The following CIT variants were observed in gnomAD, a reference collection of about 807,000 sequenced individuals.
The protein encoded by CIT is citron Rho-interacting kinase.
Under a neutral mutation model 272.7 loss-of-function variants are expected in CIT, and 79 were observed. The observed-to-expected ratio is 0.29, with a 90% CI of 0.24 to 0.35. The LOEUF (loss-of-function observed/expected upper bound fraction) is 0.35, where lower values mean the gene tolerates loss of function less well. Ranked by LOEUF, CIT falls within the 10% of genes least tolerant of loss-of-function variation. CIT has a pLI of 1.00. For synonymous variants in CIT, 948 were observed against 995.6 expected (o/e 0.95, Z 0.90); for missense variants, 1,909 against 2,618.3 (o/e 0.73, Z 5.91).
chr12:119,796,608 G>A (rs1383006068), intron 10 of CIT, among the ~76,000 whole-genome samples: 1 of 152,194 alleles, frequency 6.6e-6, no homozygotes, highest in African/African-American at 2.4e-5. Context: ...GGATGGGATG[G>A]TGAGAAACTG....
At chr12:119,755,183 A>AAAATAAAT (rs1368894840) in intron 22 of CIT, among the ~76,000 whole-genome samples, 1 of 152,190 alleles carries the variant, frequency 6.6e-6, no homozygotes, top group East Asian at 1.9e-4. Context: ...TAATAAAAGA[A>AAAATAAAT]AAATAAATAA....
chr12:119,717,271 C>A (rs1957541505), intron 32 of CIT, among the ~76,000 whole-genome samples: 1 of 152,054 alleles, frequency 6.6e-6, no homozygotes, highest in African/African-American at 2.4e-5. Flanking sequence ...AGGCTAGTCT[C>A]GAACTCCCAA....
At chr12:119,700,644 G>A in intron 44 of CIT, 101 bp downstream of exon 44, 1 of 959,686 alleles carries the variant, frequency 1.0e-6, no homozygotes, top group Non-Finnish European at 1.7e-6. Flanking sequence ...GCCTCCCAAA[G>A]TGTTGGGATT....
At chr12:119,775,134 G>A (rs527379453) in intron 16 of CIT, among the ~76,000 whole-genome samples, 10 of 151,674 alleles carry the variant, frequency 6.6e-5, no homozygotes, top group South Asian at 2.1e-4. Flanking sequence ...TTAGCCAGGC[G>A]TGGTGGCACA....
intron 16 of CIT, among the ~76,000 whole-genome samples, chr12:119,775,382 A>C (rs1963648322): frequency 1.3e-5 from 2 of 152,252 alleles, no homozygotes. Flanking sequence ...CAATCACGTG[A>C]CAACCCCATG....
In CIT at chr12:119,710,935, T is replaced by G. The variant is rs1163389643; in HGVS notation, c.4855-315A>C. 2 of 842,676 alleles carry G rather than the reference T, an allele frequency of 2.4e-6. No individual in the cohort carries two copies. The highest frequency in any genetic ancestry group is 3.5e-6 in the Non-Finnish European group (2 of 563,542). 52.2% of individuals were successfully genotyped at this position (842,676 alleles called of 1,614,324 possible). A position where few individuals can be genotyped will look rare whatever the true frequency, so the allele number is the denominator to read the frequency against. On this transcript the variant is annotated intron_variant, in intron 37 of 47. Transcript: ENST00000392521. The surrounding 1 kb of genome is among the most constrained non-coding windows in gnomAD (Gnocchi z 5.6). Reference sequence around the variant, plus strand: ...GAAATAAGCTGAAGCTAAGGAGATTTCACCTGCGCAGGGTTAATAAGACAC... The same window carrying G: ...GAAATAAGCTGAAGCTAAGGAGATTGCACCTGCGCAGGGTTAATAAGACAC...
Position 119,757,359 on chromosome 12 carries a change from C to G in CIT, c.2706+12G>C, listed in dbSNP as rs200115521. 1 of 1,613,430 alleles carries G rather than the reference C, an allele frequency of 6.2e-7. No homozygotes were observed. The highest frequency in any genetic ancestry group is 1.1e-5 in the South Asian group (1 of 91,036). ...CAGCAAATCCTCCCAGGAGATGACT[C>G]CTCGCTCTCACCTCCCGCAATCTTG... On this transcript the variant is annotated intron_variant, in intron 22 of 47. Coordinates refer to ENST00000392521, the MANE Select transcript of CIT (RefSeq NM_001206999.2).
rs752178168 is a variant in CIT, at chr12:119,784,201, G to A, written c.1402-150C>T. The A allele has an allele frequency of 1.2e-5, 20 of 1,605,058 alleles. No homozygotes were observed. Among genetic ancestry groups the A allele is most frequent in the Admixed American group, 3.3e-5 (2 of 59,734 alleles). ...GGGATGGAAATACCATTGTTTCTTC[G>A]CCCAGGAGCGCACAGTTCTTCGTTA... On this transcript the variant is annotated intron_variant, in intron 11 of 47. Transcript: ENST00000392521. The surrounding 1 kb of genome is among the most constrained non-coding windows in gnomAD (Gnocchi z 4.7).
At chr12:119,817,802 T>C (rs11615832) in intron 9 of CIT, among the ~76,000 whole-genome samples, 22,409 of 151,694 alleles carry the variant, frequency 0.15, 2,211 homozygotes, top group East Asian at 0.46. Context: ...AGGCTGGGCA[T>C]GGTGGCTCAT....
chr12:119,822,759 G>C, intron 9 of CIT, 61 bp downstream of exon 9: 1 of 1,557,912 alleles, frequency 6.4e-7, no homozygotes, highest in Non-Finnish European at 8.8e-7. Context: ...AACAATCTCA[G>C]ATCTCTCTTG....
At position 119,690,285 on chromosome 12, in the gene CIT, G is replaced by A. The variant is rs750363669; in HGVS notation, c.6052C>T (p.Leu2018=). Residue 2018 remains leucine, a synonymous_variant, in exon 47 of 48, where the codon CTG becomes TTG. Coordinates refer to ENST00000392521, the MANE Select transcript of CIT (RefSeq NM_001206999.2). This position sits in a 1 kb window ranked among gnomAD's most constrained non-coding sequence, Gnocchi z 6.0. ...LRRDKSPGRP[L]EREKSPGRML... ...CGGCCGGGGGACTTCTCTCGCTCCAGGGGGCGGCCAGGAGACTTGTCCCTG... is the reference window on the plus strand; with the variant it reads ...CGGCCGGGGGACTTCTCTCGCTCCAAGGGGCGGCCAGGAGACTTGTCCCTG... 12 of 1,584,252 alleles carry A rather than the reference G, an allele frequency of 7.6e-6. No individual in the cohort carries two copies. Among genetic ancestry groups the A allele is most frequent in the Non-Finnish European group, 1.0e-5 (12 of 1,173,848 alleles).
chr12:119,745,457 T>C (rs1218839369), intron 23 of CIT, among the ~76,000 whole-genome samples: 1 of 70,872 alleles, frequency 1.4e-5, no homozygotes, highest in East Asian at 4.3e-4. Flanking sequence ...ATGAAGGTAA[T>C]ATAAAAACTT....
Position 119,712,813 on chromosome 12 carries a change from A to G in CIT, c.4580-118T>C. On this transcript the variant is annotated intron_variant, in intron 35 of 47. Coordinates refer to ENST00000392521, the MANE Select transcript of CIT (RefSeq NM_001206999.2). The surrounding 1 kb of genome is among the most constrained non-coding windows in gnomAD (Gnocchi z 5.2). ...AGAGACAGGGTACGTGTGTAAAGAG[A>G]GGCGCACGAGAACAAGGAAGGGACA... The G allele has an allele frequency of 1.3e-6, 1 of 755,770 alleles. No individual in the cohort carries two copies. Among genetic ancestry groups the G allele is most frequent in the Non-Finnish European group, 2.2e-6 (1 of 450,808 alleles). 46.8% of individuals were successfully genotyped at this position (755,770 alleles called of 1,614,324 possible).
rs763628970 is a variant in CIT, at chr12:119,697,746, T to C, written c.5795A>G (p.Gln1932Arg). ...GCAGCAAATGACCCTTAATTTATCC[T>C]GGTATGAGGACGCCAAGTAAATCGC... ...SGAIYLASSY[Q>R]DKLRVICCKG... Residue 1932 changes from glutamine to arginine, a missense_variant, in exon 46 of 48, where the codon CAG (glutamine) becomes CGG (arginine). Gln to Arg is a conservative substitution (Grantham distance 43, BLOSUM62 1). Transcript: ENST00000392521. This position sits in a 1 kb window ranked among gnomAD's most constrained non-coding sequence, Gnocchi z 4.9. The C allele has an allele frequency of 1.9e-6, 3 of 1,614,146 alleles. No individual in the cohort carries two copies. Among genetic ancestry groups the C allele is most frequent in the Non-Finnish European group, 2.5e-6 (3 of 1,180,034 alleles).
At chr12:119,700,430 T>C (rs779133684) in intron 44 of CIT, among the ~76,000 whole-genome samples, 5 of 152,232 alleles carry the variant, frequency 3.3e-5, no homozygotes, top group Non-Finnish European at 7.3e-5. Flanking sequence ...TCACCCAGGC[T>C]GGAGTGCAGT....
chr12:119,865,689 G>A (rs1950492697), intron 3 of CIT, among the ~76,000 whole-genome samples: 2 of 152,028 alleles, frequency 1.3e-5, no homozygotes, highest in African/African-American at 4.8e-5. Context: ...GGCCAACATG[G>A]CGAAACCCCA....
chr12:119,846,117 GA>G (rs1283569786), intron 5 of CIT, among the ~76,000 whole-genome samples: 2 of 152,180 alleles, frequency 1.3e-5, no homozygotes, highest in Admixed American at 1.3e-4. Context: ...GTTTAGACAT[GA>G]AACAATGCAC....
intron 28 of CIT, among the ~76,000 whole-genome samples, chr12:119,725,676 T>C (rs1217648957): frequency 6.6e-6 from 1 of 152,162 alleles, no homozygotes; most frequent in African/African-American, 2.4e-5. Flanking sequence ...AAACTGGAAA[T>C]GTTCTCATGT....
At chr12:119,702,849 G>A (rs1296052572) in intron 41 of CIT, among the ~76,000 whole-genome samples, 3 of 151,990 alleles carry the variant, frequency 2.0e-5, no homozygotes, top group Non-Finnish European at 2.9e-5. Context: ...CTTTTTGCTA[G>A]CTTCTAAGTT....
Sources: allele counts gnomAD v4.1 joint callset (sites outside exome capture counted in the v4.1 genomes callset), GRCh38; gene constraint gnomAD v4.1.1; non-coding constraint Gnocchi (gnomAD v3.1); transcripts MANE v1.5; gene names NCBI Gene and HGNC (gene_info 2026-07-23, HGNC 2026-07-21).